The following HTRA1 variants were observed in gnomAD, a reference collection of about 807,000 sequenced individuals.
HTRA1 encodes serine protease HTRA1.
In HTRA1, 26 loss-of-function variants were observed where a neutral mutation model predicts 49.7. The ratio of observed to expected loss-of-function variants is 0.52; its 90% confidence interval spans 0.38 to 0.73. The LOEUF (loss-of-function observed/expected upper bound fraction) is 0.73. Ranked by LOEUF, HTRA1 falls within the 30% of genes least tolerant of loss-of-function variation. The pLI is 0.00. For synonymous variants in HTRA1, 291 were observed against 286.9 expected, an observed-to-expected ratio of 1.01 and a Z score of -0.14; for missense variants, 561 against 667.2, an observed-to-expected ratio of 0.84 and a Z score of 1.75.
chr10:122,487,412 A>G lies in HTRA1; in HGVS notation c.473-1490A>G, dbSNP rs2097493552. 6.6e-6 allele frequency among the ~76,000 whole-genome samples: 1 copy of G among 152,188 alleles called. No individual in the cohort carries two copies. The highest frequency in any genetic ancestry group is 1.5e-5 in the Non-Finnish European group (1 of 68,026). ...CTCTGCCACCACCCGTGCCACGAAAATGGGAGCCCAGGACCCTGAATCTCT... is the reference window on the plus strand; with the variant it reads ...CTCTGCCACCACCCGTGCCACGAAAGTGGGAGCCCAGGACCCTGAATCTCT... On this transcript the variant is annotated intron_variant, in intron 1 of 8. Coordinates refer to ENST00000368984, the MANE Select transcript of HTRA1 (RefSeq NM_002775.5). The surrounding 1 kb of genome is among the most constrained non-coding windows in gnomAD (Gnocchi z 4.8).
At chr10:122,488,841 C>A in intron 1 of HTRA1, 61 bp from the exon 2 acceptor site, 2 of 1,345,360 alleles carry the variant, frequency 1.5e-6, no homozygotes, top group Non-Finnish European at 2.1e-6. Flanking sequence ...TAACCCATGT[C>A]TTTCTCTAGG....
intron 1 of HTRA1, among the ~76,000 whole-genome samples, chr10:122,475,274 G>A (rs2097487929): frequency 1.3e-5 from 2 of 152,196 alleles, no homozygotes; most frequent in South Asian, 2.1e-4. Flanking sequence ...GAGGTCTGGC[G>A]TCCGGCGAGC....
At chr10:122,482,992 C>G (rs1203995483) in intron 1 of HTRA1, among the ~76,000 whole-genome samples, 3 of 151,312 alleles carry the variant, frequency 2.0e-5, no homozygotes, top group Admixed American at 6.6e-5. Flanking sequence ...AGATAAAAGC[C>G]TATCCTTTAA....
chr10:122,512,157 C>G, intron 8 of HTRA1, 92 bp downstream of exon 8: 1 of 929,562 alleles, frequency 1.1e-6, no homozygotes, highest in East Asian at 2.4e-5. Context: ...TCTACTGGCT[C>G]AGATGATTAT....
Position 122,506,093 on chromosome 10 carries a change from C to CAGTCTTGCTGTCTTG in HTRA1, c.778-598_778-597insAGTCTTGCTGTCTTG, listed in dbSNP as rs1209999691. ...GGAGAGGAGAGACAGCCTACCTATT[C>CAGTCTTGCTGTCTTG]GGTCTTGCTGTCCCCATGCTCCATC... On this transcript the variant is annotated intron_variant, in intron 3 of 8. Coordinates refer to ENST00000368984, the MANE Select transcript of HTRA1 (RefSeq NM_002775.5). This position sits in a 1 kb window ranked among gnomAD's most constrained non-coding sequence, Gnocchi z 5.2. 1.2e-3 allele frequency among the ~76,000 whole-genome samples: 4 copies of CAGTCTTGCTGTCTTG among 3,406 alleles called. No homozygotes were observed. Among genetic ancestry groups the CAGTCTTGCTGTCTTG allele is most frequent in the East Asian group, 0.05 (1 of 20 alleles). The allele number at this position is 3,406 out of a possible 152,430, so 2.2% of individuals were successfully genotyped here.
chr10:122,484,456 C>T (rs1418278059), intron 1 of HTRA1, among the ~76,000 whole-genome samples: 4 of 152,152 alleles, frequency 2.6e-5, no homozygotes, highest in East Asian at 3.9e-4. Flanking sequence ...ATGACGACGT[C>T]GTTAGGAGGC....
In HTRA1 at chr10:122,512,011, A is replaced by AG; in HGVS notation, c.1220_1221insG (p.Asp407GlufsTer10). ...AAGGACCGGCACCGGGACTTCCCAG[A>AG]CGTGATCTCAGGAGCGTATATAATT... is the stretch of plus-strand genomic sequence containing the variant. On this transcript the variant is annotated frameshift_variant, in exon 8 of 9. Coordinates refer to ENST00000368984, the MANE Select transcript of HTRA1 (RefSeq NM_002775.5). LOFTEE classifies it high-confidence loss of function. 6.2e-7 allele frequency: 1 copy of AG among 1,614,056 alleles called. No individual in the cohort carries two copies. Among genetic ancestry groups the AG allele is most frequent in the Non-Finnish European group, 8.5e-7 (1 of 1,179,964 alleles).
At position 122,494,402 on chromosome 10, in the gene HTRA1, T is replaced by C. The variant is rs148497149; in HGVS notation, c.777+4776T>C. On this transcript the variant is annotated intron_variant, in intron 3 of 8. Coordinates refer to ENST00000368984, the MANE Select transcript of HTRA1 (RefSeq NM_002775.5). This position sits in a 1 kb window ranked among gnomAD's most constrained non-coding sequence, Gnocchi z 4.0. ...TTCCCTCCTATATTCAATGAGGAAATGACCCTGCAGAAGGCTGGCTGCAGA... is the reference window on the plus strand; with the variant it reads ...TTCCCTCCTATATTCAATGAGGAAACGACCCTGCAGAAGGCTGGCTGCAGA... Among the ~76,000 whole-genome samples the C allele has an allele frequency of 1.8e-3, 279 of 152,238 alleles. No individual in the cohort carries two copies. Among genetic ancestry groups the C allele is most frequent in the African/African-American group, 6.5e-3 (268 of 41,544 alleles).
intron 3 of HTRA1, among the ~76,000 whole-genome samples, chr10:122,502,595 G>A (rs908047511): frequency 1.3e-5 from 2 of 152,198 alleles, no homozygotes; most frequent in South Asian, 4.1e-4. Flanking sequence ...TCTGTTAAGA[G>A]GACACTATTT....
At chr10:122,512,475 A>G (rs932802218) in intron 8 of HTRA1, among the ~76,000 whole-genome samples, 3 of 152,138 alleles carry the variant, frequency 2.0e-5, no homozygotes, top group African/African-American at 4.8e-5. Context: ...TTAGGCCCAT[A>G]CCTGTCAACA....
At chr10:122,484,835 G>A (rs913906635) in intron 1 of HTRA1, among the ~76,000 whole-genome samples, 3 of 152,198 alleles carry the variant, frequency 2.0e-5, no homozygotes, top group Non-Finnish European at 4.4e-5. Context: ...GCTGATAGAC[G>A]AGGAAACAGA....
At position 122,512,015 on chromosome 10, in the gene HTRA1, G is replaced by C; in HGVS notation, c.1224G>C (p.Val408=). 4.3e-6 allele frequency: 7 copies of C among 1,613,978 alleles called. No individual in the cohort carries two copies. The highest frequency in any genetic ancestry group is 5.9e-6 in the Non-Finnish European group (7 of 1,179,932). ...LKDRHRDFPD[V]ISGAYIIEVI... ...ACCGGCACCGGGACTTCCCAGACGT[G>C]ATCTCAGGAGCGTATATAATTGAAG... The change falls in exon 8 of 9, where the codon GTG becomes GTC. Residue 408 remains valine (V), a synonymous_variant. Coordinates refer to ENST00000368984, the MANE Select transcript of HTRA1 (RefSeq NM_002775.5).
At chr10:122,474,358 C>T (rs576423460) in intron 1 of HTRA1, among the ~76,000 whole-genome samples, 3 of 152,270 alleles carry the variant, frequency 2.0e-5, no homozygotes, top group South Asian at 2.1e-4. Flanking sequence ...AAGTTCCCCT[C>T]GCATGGGGGC....
In HTRA1 at chr10:122,487,647, C is replaced by T. The variant is rs912769837; in HGVS notation, c.473-1255C>T. On this transcript the variant is annotated intron_variant, in intron 1 of 8. Transcript: ENST00000368984. This position sits in a 1 kb window ranked among gnomAD's most constrained non-coding sequence, Gnocchi z 4.8. ...CAGGGATACGTTCTGAGAAATGCGT[C>T]GTTAGGCGATTTCATCACTGTGGGA... Among the ~76,000 whole-genome samples, 4 of 152,138 alleles carry T rather than the reference C, an allele frequency of 2.6e-5. No individual in the cohort carries two copies. The highest frequency in any genetic ancestry group is 4.1e-4 in the South Asian group (2 of 4,828).
intron 3 of HTRA1, among the ~76,000 whole-genome samples, chr10:122,496,394 T>C (rs2097498788): frequency 6.6e-6 from 1 of 151,990 alleles, no homozygotes; most frequent in Non-Finnish European, 1.5e-5. Flanking sequence ...GAGATCCTAA[T>C]GGATCTTTCG....
At chr10:122,502,042 T>C (rs7898261) in intron 3 of HTRA1, among the ~76,000 whole-genome samples, 3,126 of 146,144 alleles carry the variant, frequency 0.021, 70 homozygotes, top group South Asian at 0.045. Flanking sequence ...AAACTATTTT[T>C]AGTGCTGGTC....
rs2097503034 is a variant in HTRA1, at chr10:122,506,320, C to A, written c.778-371C>A. Among the ~76,000 whole-genome samples, 1 of 152,306 alleles carries A rather than the reference C, an allele frequency of 6.6e-6. No homozygotes were observed. The highest frequency in any genetic ancestry group is 2.1e-4 in the South Asian group (1 of 4,824). ...AGGGCCATCCCCAGCAGTCTCACCC[C>A]AAACCCTAAATTCATGTTGTCTTCC... On this transcript the variant is annotated intron_variant, in intron 3 of 8. Transcript: ENST00000368984. This position sits in a 1 kb window ranked among gnomAD's most constrained non-coding sequence, Gnocchi z 5.2.
rs563950662 is a variant in HTRA1, at chr10:122,487,597, TA to T, written c.473-1302del. 6.8e-4 allele frequency among the ~76,000 whole-genome samples: 104 copies of T among 152,296 alleles called. No individual in the cohort carries two copies. Among genetic ancestry groups the T allele is most frequent in the African/African-American group, 2.5e-3 (103 of 41,556 alleles). On this transcript the variant is annotated intron_variant, in intron 1 of 8. Coordinates refer to ENST00000368984, the MANE Select transcript of HTRA1 (RefSeq NM_002775.5). The surrounding 1 kb of genome is among the most constrained non-coding windows in gnomAD (Gnocchi z 4.8). ...CCACGTGGGGCCACTCACTGTAATATAAACGGTCATGCATCACTGAGCAACA... is the reference window on the plus strand; with the variant it reads ...CCACGTGGGGCCACTCACTGTAATATAACGGTCATGCATCACTGAGCAACA...
At chr10:122,484,708 G>A (rs1423114640) in intron 1 of HTRA1, among the ~76,000 whole-genome samples, 2 of 152,184 alleles carry the variant, frequency 1.3e-5, no homozygotes, top group Non-Finnish European at 2.9e-5. Context: ...ATGGATGAGA[G>A]GCTAACACTT....
Sources: gnomAD v4.1 joint callset for allele counts (sites outside exome capture counted in the v4.1 genomes callset) on GRCh38, gnomAD v4.1.1 for gene constraint, Gnocchi (gnomAD v3.1) non-coding constraint, MANE v1.5 for transcripts, NCBI Gene and HGNC (gene_info 2026-07-23, HGNC 2026-07-21) for gene names.